Variants in SIPA1L3 observed in about 807,000 individuals in gnomAD.
SIPA1L3 encodes the protein signal induced proliferation associated 1 like 3.
Under a neutral mutation model 150.1 loss-of-function variants are expected in SIPA1L3, and 59 were observed. That is an observed-to-expected ratio of 0.39 (90% CI 0.32 to 0.49). The LOEUF (loss-of-function observed/expected upper bound fraction) is 0.49, where lower values mean the gene tolerates loss of function less well. Ranked by LOEUF, SIPA1L3 falls within the 20% of genes least tolerant of loss-of-function variation. The pLI is 0.86. For synonymous variants in SIPA1L3, 1,070 were observed against 1,077.6 expected, an observed-to-expected ratio of 0.99 and a Z score of 0.14; for missense variants, 2,211 against 2,489.5, an observed-to-expected ratio of 0.89 and a Z score of 2.38.
At chr19:37,971,830 G>A (rs926060653) in intron 1 of SIPA1L3, among the ~76,000 whole-genome samples, 4 of 152,090 alleles carry the variant, frequency 2.6e-5, no homozygotes, top group African/African-American at 7.2e-5. Flanking sequence ...GCCTCCCAAA[G>A]TGCTGGGATT....
chr19:37,979,877 A>C (rs1967161242), intron 1 of SIPA1L3, among the ~76,000 whole-genome samples: 1 of 152,248 alleles, frequency 6.6e-6, no homozygotes, highest in South Asian at 2.1e-4. Context: ...GGGCATGCCC[A>C]GGTTCGGCTG....
chr19:38,135,705 A>C (rs1026973305), intron 10 of SIPA1L3, among the ~76,000 whole-genome samples: 3 of 152,048 alleles, frequency 2.0e-5, no homozygotes, highest in Non-Finnish European at 4.4e-5. Context: ...TGTTCCCTTT[A>C]TAAGGCAGCT....
At chr19:37,925,616 A>T (rs2046496629) in intron 1 of SIPA1L3, among the ~76,000 whole-genome samples, 3 of 114,384 alleles carry the variant, frequency 2.6e-5, no homozygotes, top group Non-Finnish European at 3.5e-5. Context: ...TTTTTTTGAG[A>T]CGGAGTCTCA....
At chr19:37,993,466 G>A (rs566757211) in intron 1 of SIPA1L3, among the ~76,000 whole-genome samples, 1 of 152,296 alleles carries the variant, frequency 6.6e-6, no homozygotes, top group Admixed American at 6.5e-5. Flanking sequence ...CGAGTAGCTG[G>A]AATTATAGGT....
At chr19:38,058,877 A>T (rs1185063337) in intron 2 of SIPA1L3, among the ~76,000 whole-genome samples, 1 of 152,004 alleles carries the variant, frequency 6.6e-6, no homozygotes, top group East Asian at 1.9e-4. Flanking sequence ...ATAGAAAATT[A>T]GCCAGGCGTG....
At chr19:38,028,249 C>T (rs1420269177) in intron 1 of SIPA1L3, among the ~76,000 whole-genome samples, 1 of 152,186 alleles carries the variant, frequency 6.6e-6, no homozygotes, top group African/African-American at 2.4e-5. Context: ...TATGATTTCT[C>T]TGTCATTCCT....
rs117777119 is a variant in SIPA1L3 at position 38,166,502 on chromosome 19, A to T, written c.4208+1596A>T. ...AAAGAAAAGCAGGAATTGGCGAGCC[A>T]GCAGCCTAGAGTCCCGACCACACAC... On this transcript the variant is annotated intron_variant, in intron 15 of 21. Transcript: ENST00000222345. 6.6e-5 allele frequency among the ~76,000 whole-genome samples: 10 copies of T among 152,034 alleles called. No homozygotes were observed. The East Asian group carries it at 1.9e-3, about 29-fold the overall frequency.
chr19:38,110,108 T>C, intron 7 of SIPA1L3, 119 bp from the exon 8 acceptor site: 1 of 947,706 alleles, frequency 1.1e-6, no homozygotes, highest in Admixed American at 2.0e-5. Flanking sequence ...TTCCTTGGGC[T>C]GTGTGTGAGC....
chr19:38,061,677 A>G lies in SIPA1L3; in HGVS notation c.-310-19579A>G, dbSNP rs1969448604. 2.6e-5 allele frequency among the ~76,000 whole-genome samples: 4 copies of G among 152,090 alleles called. No individual in the cohort carries two copies. In the South Asian group the frequency reaches 8.3e-4, roughly 32 times the overall value. On this transcript the variant is annotated intron_variant, in intron 2 of 21. Coordinates refer to ENST00000222345, the MANE Select transcript of SIPA1L3 (RefSeq NM_015073.3). ...CAGAGGGGTAGGGGGACAGGAGTAC[A>G]GAGAGATGGAGCAGGGACAAGAAAC...
At chr19:38,205,233 C>G (rs1973182148) in intron 21 of SIPA1L3, among the ~76,000 whole-genome samples, 1 of 151,714 alleles carries the variant, frequency 6.6e-6, no homozygotes, top group African/African-American at 2.4e-5. Flanking sequence ...CTTTGGGAGG[C>G]CGAGGTGGGT....
intron 7 of SIPA1L3, 44 bp from the exon 8 acceptor site, chr19:38,110,183 C>T (rs367639220): frequency 1.5e-5 from 24 of 1,599,480 alleles, no homozygotes; most frequent in East Asian, 1.3e-4. Context: ...CCCGTCAGGC[C>T]GACCTGTGAC....
intron 1 of SIPA1L3, among the ~76,000 whole-genome samples, chr19:37,965,944 G>A (rs985725340): frequency 3.3e-5 from 5 of 152,086 alleles, no homozygotes; most frequent in African/African-American, 1.2e-4. Context: ...TGTGTGCGGT[G>A]GGCACTTGGG....
intron 1 of SIPA1L3, among the ~76,000 whole-genome samples, chr19:37,967,726 GA>G (rs2046916657): frequency 6.6e-6 from 1 of 151,712 alleles, no homozygotes; most frequent in Non-Finnish European, 1.5e-5. Flanking sequence ...ACTCATGATG[GA>G]AAAAAATAGG....
At chr19:37,940,946 T>C (rs1191530797) in intron 1 of SIPA1L3, among the ~76,000 whole-genome samples, 1 of 152,124 alleles carries the variant, frequency 6.6e-6, no homozygotes, top group Admixed American at 6.6e-5. Flanking sequence ...TTGTCCTGTA[T>C]ATGATCAGGC....
chr19:37,968,877 G>A (rs1643467), intron 1 of SIPA1L3, among the ~76,000 whole-genome samples: 41,861 of 152,082 alleles, frequency 0.28, 6,888 homozygotes, highest in East Asian at 0.62. Context: ...CCATTGCTAT[G>A]ACCAGGGAGG....
chr19:38,045,347 C>T (rs538399162), intron 2 of SIPA1L3, among the ~76,000 whole-genome samples: 2 of 151,678 alleles, frequency 1.3e-5, no homozygotes, highest in Admixed American at 6.6e-5. Flanking sequence ...CACTGCACTC[C>T]AGCCTGGGTG....
In SIPA1L3 at chr19:38,024,770, C is replaced by G. The variant is rs150124685; in HGVS notation, c.-378-4319C>G. On this transcript the variant is annotated intron_variant, in intron 1 of 21. Coordinates refer to ENST00000222345, the MANE Select transcript of SIPA1L3 (RefSeq NM_015073.3). ...TGTTTCGTCAGCTTCTTAGAAGGGTCATGTTCGCCCAAACATGAAGGAGTG... is the reference window on the plus strand; with the variant it reads ...TGTTTCGTCAGCTTCTTAGAAGGGTGATGTTCGCCCAAACATGAAGGAGTG... Among the ~76,000 whole-genome samples, 596 of 152,218 alleles carry G rather than the reference C, an allele frequency of 3.9e-3. 2 individuals carry two copies. Among genetic ancestry groups the G allele is most frequent in the African/African-American group, 0.014 (565 of 41,518 alleles).
At chr19:37,977,958 CACA>C (rs752475673) in intron 1 of SIPA1L3, among the ~76,000 whole-genome samples, 4 of 152,300 alleles carry the variant, frequency 2.6e-5, no homozygotes, top group Non-Finnish European at 4.4e-5. Flanking sequence ...TTATGGAACA[CACA>C]ACAAAAGCAT....
At chr19:38,026,051 A>G (rs538789464) in intron 1 of SIPA1L3, among the ~76,000 whole-genome samples, 1 of 152,306 alleles carries the variant, frequency 6.6e-6, no homozygotes, top group African/African-American at 2.4e-5. Flanking sequence ...GGTTGTATGA[A>G]CAAATAGAAA....
Sources: gnomAD v4.1 joint callset for allele counts (sites outside exome capture counted in the v4.1 genomes callset) on GRCh38, gnomAD v4.1.1 for gene constraint, MANE v1.5 for transcripts, NCBI Gene and HGNC (gene_info 2026-07-23, HGNC 2026-07-21) for gene names.